Variants in RSF1 observed in about 807,000 individuals in gnomAD.
RSF1 encodes remodeling and spacing factor 1.
RSF1 carries 13 observed loss-of-function variants against 145.2 expected under a neutral mutation model. That is an observed-to-expected ratio of 0.09 (90% CI 0.06 to 0.14). RSF1 has a LOEUF of 0.14. Among genes scored for constraint, RSF1 ranks in the 10% least tolerant of loss-of-function variants. RSF1 has a pLI of 1.00. For synonymous variants in RSF1, 577 were observed against 592.6 expected (o/e 0.97, Z 0.38); for missense variants, 1,517 against 1,718.2 (o/e 0.88, Z 2.07).
intron 4 of RSF1, among the ~76,000 whole-genome samples, chr11:77,738,284 A>C (rs1961416448): frequency 6.6e-6 from 1 of 152,268 alleles, no homozygotes; most frequent in African/African-American, 2.4e-5. Flanking sequence ...TTTAAAGTAC[A>C]GGAATGTAAC....
the RSF1 span, among the ~76,000 whole-genome samples, chr11:77,826,680 C>G: frequency 6.6e-6 from 1 of 152,114 alleles, no homozygotes; most frequent in Admixed American, 6.6e-5. Flanking sequence ...AACAGACACA[C>G]CAGACCCTAT....
At chr11:77,680,675 A>T (rs535977421) in intron 11 of RSF1, among the ~76,000 whole-genome samples, 2 of 152,294 alleles carry the variant, frequency 1.3e-5, no homozygotes, top group Non-Finnish European at 2.9e-5. Flanking sequence ...TTACAATGTA[A>T]TTTTTACTGG....
At chr11:77,785,800 C>G (rs1341872857) in intron 1 of RSF1, among the ~76,000 whole-genome samples, 1 of 149,508 alleles carries the variant, frequency 6.7e-6, no homozygotes, top group Non-Finnish European at 1.5e-5. Context: ...GCGGCGGGCA[C>G]CTGTAGTCCC....
At chr11:77,806,074 A>G (rs765926807) in intron 1 of RSF1, among the ~76,000 whole-genome samples, 1 of 152,196 alleles carries the variant, frequency 6.6e-6, no homozygotes, top group Non-Finnish European at 1.5e-5. Flanking sequence ...ATGTAATATT[A>G]TAACAACCTC....
At chr11:77,818,211 T>C (rs1400128817) in intron 1 of RSF1, among the ~76,000 whole-genome samples, 1 of 152,182 alleles carries the variant, frequency 6.6e-6, no homozygotes, top group African/African-American at 2.4e-5. Context: ...GACTCTAATA[T>C]TGTATTCCTG....
chr11:77,869,117 A>T, the RSF1 span: 4 of 264,530 alleles, frequency 1.5e-5, no homozygotes, highest in African/African-American at 9.2e-5. Context: ...CATGTGGCCA[A>T]AGGAACAACT....
intron 2 of RSF1, among the ~76,000 whole-genome samples, chr11:77,756,075 A>G (rs1018787471): frequency 3.9e-5 from 6 of 152,174 alleles, no homozygotes; most frequent in African/African-American, 1.4e-4. Flanking sequence ...GAAACTTTTC[A>G]GGCCAGGCGT....
intron 1 of RSF1, among the ~76,000 whole-genome samples, chr11:77,819,572 CAG>C (rs903356425): frequency 2.0e-5 from 3 of 152,172 alleles, no homozygotes; most frequent in Non-Finnish European, 2.9e-5. Context: ...CCAGCGGCAC[CAG>C]AGAGAGAAAC....
the RSF1 span, chr11:77,869,306 C>CT: frequency 3.0e-4 from 36 of 120,454 alleles, no homozygotes; most frequent in African/African-American, 1.0e-3. Flanking sequence ...TTATTTATCT[C>CT]TTTTTCTTTT....
chr11:77,803,250 T>C (rs1174380343), intron 1 of RSF1, among the ~76,000 whole-genome samples: 2 of 152,064 alleles, frequency 1.3e-5, no homozygotes, highest in South Asian at 2.1e-4. Context: ...TGGGCTCAAG[T>C]GATCCTCCCG....
At position 77,664,345 on chromosome 11, in the gene RSF1, C is replaced by T. The variant is rs986838468; in HGVS notation, c.*2572G>A. 5.3e-5 allele frequency: 8 copies of T among 152,082 alleles called. No individual in the cohort carries two copies. Among genetic ancestry groups the T allele is most frequent in the South Asian group, 2.1e-4 (1 of 4,812 alleles). The allele number at this position is 152,082 out of a possible 1,614,324, so 9.4% of individuals were successfully genotyped here. ...AGGGGTACATTCACTATCAAGTTGA[C>T]GAACACTTATTCAAGTTTGGTAAAT... On this transcript the variant is annotated 3_prime_UTR_variant, in exon 16 of 16. Transcript: ENST00000308488.
At chr11:77,775,994 T>G (rs1393374757) in intron 1 of RSF1, among the ~76,000 whole-genome samples, 1 of 152,210 alleles carries the variant, frequency 6.6e-6, no homozygotes, top group East Asian at 1.9e-4. Context: ...AGGCTAGTCT[T>G]GATCTCCTGG....
the RSF1 span, among the ~76,000 whole-genome samples, chr11:77,827,244 C>T: frequency 6.6e-6 from 1 of 152,126 alleles, no homozygotes; most frequent in East Asian, 1.9e-4. Flanking sequence ...CAATGCTTCA[C>T]AAATTCATAC....
At chr11:77,686,828 T>C (rs1960022938) in intron 9 of RSF1, among the ~76,000 whole-genome samples, 1 of 152,186 alleles carries the variant, frequency 6.6e-6, no homozygotes, top group African/African-American at 2.4e-5. Context: ...TAGAGACCTC[T>C]ATGGTAAAGA....
the RSF1 span, among the ~76,000 whole-genome samples, chr11:77,841,844 A>G: frequency 6.6e-6 from 1 of 152,160 alleles, no homozygotes; most frequent in Non-Finnish European, 1.5e-5. Context: ...GCCACCTTCT[A>G]TCCATGTTTG....
intron 4 of RSF1, among the ~76,000 whole-genome samples, chr11:77,729,895 CAAAAAAAAAAA>C (rs398045289): frequency 2.9e-4 from 14 of 48,938 alleles, no homozygotes; most frequent in South Asian, 1.8e-3. Flanking sequence ...ATTCAGTAGG[CAAAAAAAAAAA>C]AAAAAAAAAA....
intron 1 of RSF1, among the ~76,000 whole-genome samples, chr11:77,772,398 TC>T (rs752055159): frequency 1.6e-4 from 25 of 152,294 alleles, no homozygotes; most frequent in South Asian, 4.1e-4. Context: ...GGTCTCAAAC[TC>T]CGGGGCTCAA....
At chr11:77,756,753 A>G (rs1407425424) in intron 2 of RSF1, among the ~76,000 whole-genome samples, 1 of 152,256 alleles carries the variant, frequency 6.6e-6, no homozygotes, top group Non-Finnish European at 1.5e-5. Context: ...GCTTTACTTA[A>G]AGAATGAGAG....
intron 4 of RSF1, among the ~76,000 whole-genome samples, chr11:77,740,344 C>T (rs1427816040): frequency 6.6e-6 from 1 of 152,228 alleles, no homozygotes; most frequent in Non-Finnish European, 1.5e-5. Flanking sequence ...CATTGCACTC[C>T]AGCCTGGGCA....
Sources: gnomAD v4.1 joint callset for allele counts (sites outside exome capture counted in the v4.1 genomes callset) on GRCh38, gnomAD v4.1.1 for gene constraint, MANE v1.5 for transcripts, NCBI Gene and HGNC (gene_info 2026-07-23, HGNC 2026-07-21) for gene names.